PTPN14: variants seen among roughly 807,000 people sequenced by gnomAD.
PTPN14 encodes the protein tyrosine-protein phosphatase non-receptor type 14.
PTPN14 carries 53 observed loss-of-function variants against 126.8 expected under a neutral mutation model. That is an observed-to-expected ratio of 0.42 (90% CI 0.34 to 0.53). PTPN14 has a LOEUF of 0.53. Among genes scored for constraint, PTPN14 ranks in the 20% least tolerant of loss-of-function variants. PTPN14 has a pLI of 0.08. For synonymous variants in PTPN14, 630 were observed against 599.3 expected, an observed-to-expected ratio of 1.05 and a Z score of -0.75; for missense variants, 1,257 against 1,552.9, an observed-to-expected ratio of 0.81 and a Z score of 3.20.
At chr1:214,433,786 T>C (rs1428315741) in intron 3 of PTPN14, among the ~76,000 whole-genome samples, 2 of 151,960 alleles carry the variant, frequency 1.3e-5, no homozygotes, top group Non-Finnish European at 2.9e-5. Context: ...TTAGGCCACA[T>C]CTGTCAAAAA....
chr1:214,448,791 T>C (rs183674326), intron 3 of PTPN14, among the ~76,000 whole-genome samples: 157 of 152,248 alleles, frequency 1.0e-3, no homozygotes, highest in African/African-American at 3.6e-3. Flanking sequence ...AGACCAGTGC[T>C]CTCACCCTTT....
intron 1 of PTPN14, among the ~76,000 whole-genome samples, chr1:214,510,040 A>G (rs1558135320): frequency 2.0e-5 from 3 of 152,076 alleles, no homozygotes; most frequent in Non-Finnish European, 4.4e-5. Flanking sequence ...AAATTTAATC[A>G]TTTCTAGATG....
intron 5 of PTPN14, among the ~76,000 whole-genome samples, chr1:214,409,706 T>G (rs116715728): frequency 0.017 from 2,590 of 152,066 alleles, 83 homozygotes; most frequent in African/African-American, 0.059. Flanking sequence ...ACACTTGTTA[T>G]CTTTTACTCC....
In PTPN14 at chr1:214,519,308, C is replaced by T. The variant is rs559942516; in HGVS notation, c.-155+31875G>A. 2.6e-5 allele frequency among the ~76,000 whole-genome samples: 4 copies of T among 152,216 alleles called. No homozygotes were observed. The South Asian group carries it at 6.2e-4, about 24-fold the overall frequency. On this transcript the variant is annotated intron_variant, in intron 1 of 18. Transcript: ENST00000366956. ...CAAAACTCAACAATCAAGAGGGAAGCACCTTTATACAGCATTGCATTCCTG... is the reference window on the plus strand; with the variant it reads ...CAAAACTCAACAATCAAGAGGGAAGTACCTTTATACAGCATTGCATTCCTG...
intron 1 of PTPN14, among the ~76,000 whole-genome samples, chr1:214,466,015 G>A (rs1660629713): frequency 7.9e-6 from 1 of 127,210 alleles, no homozygotes; most frequent in Non-Finnish European, 1.6e-5. Context: ...GGAGTGCAGT[G>A]GTGCAATCTT....
intron 2 of PTPN14, among the ~76,000 whole-genome samples, chr1:214,453,165 A>C (rs1660307017): frequency 6.6e-6 from 1 of 152,252 alleles, no homozygotes; most frequent in African/African-American, 2.4e-5. Flanking sequence ...GATGTTCCAA[A>C]GGACAAGTTC....
chr1:214,422,947 G>A (rs1659576776), intron 3 of PTPN14, among the ~76,000 whole-genome samples: 1 of 152,098 alleles, frequency 6.6e-6, no homozygotes, highest in African/African-American at 2.4e-5. Flanking sequence ...ATGAGGCAAT[G>A]GAAGTAAATA....
intron 1 of PTPN14, among the ~76,000 whole-genome samples, chr1:214,475,197 A>T (rs1484067506): frequency 6.6e-6 from 1 of 152,230 alleles, no homozygotes; most frequent in Non-Finnish European, 1.5e-5. Flanking sequence ...TTTTAAAGTA[A>T]CCTGGTAAAA....
Position 214,356,128 on chromosome 1 carries a change from T to A in PTPN14, c.*1794A>T, listed in dbSNP as rs1657814899. 6.6e-6 allele frequency: 1 copy of A among 152,022 alleles called. No homozygotes were observed. Among genetic ancestry groups the A allele is most frequent in the South Asian group, 2.1e-4 (1 of 4,814 alleles). 9.4% of individuals were successfully genotyped at this position (152,022 alleles called of 1,614,324 possible). ...GGCATACCACCACGCCTGGCTAATT[T>A]TTGTACTTTTTGTAGAGACGGGGTT... On this transcript the variant is annotated 3_prime_UTR_variant, in exon 19 of 19. Coordinates refer to ENST00000366956, the MANE Select transcript of PTPN14 (RefSeq NM_005401.5).
intron 1 of PTPN14, among the ~76,000 whole-genome samples, chr1:214,506,345 TTTTTTTTTA>T (rs1317047359): frequency 6.6e-6 from 1 of 151,518 alleles, no homozygotes; most frequent in African/African-American, 2.4e-5. Flanking sequence ...CTCTTAAATT[TTTTTTTTTA>T]AAATTTTTTA....
intron 1 of PTPN14, among the ~76,000 whole-genome samples, chr1:214,507,677 T>C (rs1159318190): frequency 1.3e-5 from 2 of 152,108 alleles, no homozygotes; most frequent in Non-Finnish European, 2.9e-5. Flanking sequence ...CTCGGAGACA[T>C]TGTGGGTTTG....
chr1:214,543,973 T>C (rs914859242), intron 1 of PTPN14, among the ~76,000 whole-genome samples: 2 of 152,190 alleles, frequency 1.3e-5, no homozygotes, highest in South Asian at 2.1e-4. Flanking sequence ...GGCAACATCA[T>C]CGTCATCATG....
At chr1:214,506,313 T>A (rs1046483707) in intron 1 of PTPN14, among the ~76,000 whole-genome samples, 4 of 152,020 alleles carry the variant, frequency 2.6e-5, no homozygotes, top group Non-Finnish European at 5.9e-5. Flanking sequence ...GAGACCAGAT[T>A]GGGCAACACA....
chr1:214,509,761 G>A (rs1654926201), intron 1 of PTPN14, among the ~76,000 whole-genome samples: 1 of 152,160 alleles, frequency 6.6e-6, no homozygotes, highest in African/African-American at 2.4e-5. Flanking sequence ...ATGATAGACT[G>A]GATTAAGAAA....
At chr1:214,441,587 T>A (rs895766636) in intron 3 of PTPN14, among the ~76,000 whole-genome samples, 1 of 152,214 alleles carries the variant, frequency 6.6e-6, no homozygotes, top group African/African-American at 2.4e-5. Context: ...AGATTTTTTT[T>A]AAAATCCATT....
rs1373891562 is a variant in PTPN14 at position 214,350,818 on chromosome 1, C to T, written c.*7104G>A. The T allele has an allele frequency of 6.6e-6, 1 of 150,768 alleles. No individual in the cohort carries two copies. The highest frequency in any genetic ancestry group is 2.4e-5 in the African/African-American group (1 of 40,928). The allele number at this position is 150,768 out of a possible 1,614,324, so 9.3% of individuals were successfully genotyped here. A position where few individuals can be genotyped will look rare whatever the true frequency, so the allele number is the denominator to read the frequency against. On this transcript the variant is annotated 3_prime_UTR_variant, in exon 19 of 19. Coordinates refer to ENST00000366956, the MANE Select transcript of PTPN14 (RefSeq NM_005401.5). ...AGGTGATCTGCCTGCCTCAGCCTCC[C>T]AAAGTGCTGGTTTGATTACAGGTGT...
intron 8 of PTPN14, among the ~76,000 whole-genome samples, chr1:214,395,303 C>CA (rs1658852041): frequency 1.3e-5 from 2 of 152,092 alleles, no homozygotes; most frequent in Non-Finnish European, 2.9e-5. Flanking sequence ...AGTGACAAAA[C>CA]ATTTCCCATG....
intron 3 of PTPN14, among the ~76,000 whole-genome samples, chr1:214,422,879 A>G (rs906758916): frequency 1.3e-5 from 2 of 152,248 alleles, no homozygotes; most frequent in Non-Finnish European, 2.9e-5. Context: ...CTGTCGATGA[A>G]GTAATGTCCC....
intron 14 of PTPN14, among the ~76,000 whole-genome samples, chr1:214,377,453 ATACG>A (rs1658369829): frequency 6.6e-6 from 1 of 152,166 alleles, no homozygotes; most frequent in Admixed American, 6.5e-5. Flanking sequence ...TGATGAAATA[ATACG>A]TACAACAAAC....
Sources: allele counts gnomAD v4.1 joint callset (sites outside exome capture counted in the v4.1 genomes callset), GRCh38; gene constraint gnomAD v4.1.1; transcripts MANE v1.5; gene names NCBI Gene and HGNC (gene_info 2026-07-23, HGNC 2026-07-21).